ZNF704: variants seen among roughly 807,000 people sequenced by gnomAD.
ZNF704 encodes the protein glucocorticoid induced gene 1.
A neutral mutation model predicts 44.7 loss-of-function variants in ZNF704; 10 were observed. That is an observed-to-expected ratio of 0.22 (90% confidence interval 0.14 to 0.38). The LOEUF (loss-of-function observed/expected upper bound fraction) is 0.38. Ranked by LOEUF, ZNF704 falls within the 10% of genes least tolerant of loss-of-function variation. The pLI is 1.00. For missense variants in ZNF704, 390 were observed against 545.5 expected (o/e 0.71, Z 2.84); for synonymous variants, 211 against 207.6 (o/e 1.02, Z -0.14).
intron 2 of ZNF704, among the ~76,000 whole-genome samples, chr8:80,747,262 T>C (rs1806862427): frequency 6.6e-6 from 1 of 152,080 alleles, no homozygotes; most frequent in African/African-American, 2.4e-5. Context: ...GCCTTCCAAA[T>C]AACCACGAAT....
At chr8:80,867,289 AAAGAC>A (rs1809171440) in intron 1 of ZNF704, among the ~76,000 whole-genome samples, 1 of 152,216 alleles carries the variant, frequency 6.6e-6, no homozygotes, top group Admixed American at 6.5e-5. Context: ...GTACTTTACA[AAAGAC>A]AAGTATTCCA....
rs527717681 is a variant in ZNF704, at chr8:80,643,079, C to T, written c.1083G>A (p.Ala361=). The T allele has an allele frequency of 9.0e-5, 145 of 1,604,750 alleles. 1 individual carries two copies. Among genetic ancestry groups the T allele is most frequent in the South Asian group, 6.8e-4 (61 of 89,084 alleles). The stretch of plus-strand genomic sequence containing the variant: ...TGGGTGGGGAGGACAGGACCGTGTG[C>T]GCATGCTGTCTCTGCTCTCCTGTGC... ...PVGTGEQRQH[A]HTVLSSPPRG... The change falls in exon 8 of 9, where the codon GCG becomes GCA. Residue 361 remains alanine, a synonymous_variant. Transcript: ENST00000327835.
At chr8:80,663,094 T>C (rs1471312324) in intron 6 of ZNF704, among the ~76,000 whole-genome samples, 1 of 152,132 alleles carries the variant, frequency 6.6e-6, no homozygotes, top group Non-Finnish European at 1.5e-5. Context: ...TTAAAAGAAT[T>C]AATGGCCAGG....
chr8:80,827,750 C>T (rs573758360), intron 1 of ZNF704, among the ~76,000 whole-genome samples: 22 of 152,196 alleles, frequency 1.4e-4, no homozygotes, highest in African/African-American at 4.3e-4. Flanking sequence ...CAGAACAGAG[C>T]CCTCAGAAAT....
At chr8:80,850,783 G>A (rs527818682) in intron 1 of ZNF704, among the ~76,000 whole-genome samples, 1 of 152,152 alleles carries the variant, frequency 6.6e-6, no homozygotes, top group East Asian at 1.9e-4. Flanking sequence ...AGGCTATACT[G>A]CAAATACATG....
intron 1 of ZNF704, among the ~76,000 whole-genome samples, chr8:80,842,300 G>A (rs2129968784): frequency 6.6e-6 from 1 of 152,274 alleles, no homozygotes; most frequent in Admixed American, 6.5e-5. Flanking sequence ...GGGAGGACAG[G>A]TTAGCTAAAA....
chr8:80,736,428 C>T (rs554202516), intron 2 of ZNF704, among the ~76,000 whole-genome samples: 6 of 152,226 alleles, frequency 3.9e-5, no homozygotes, highest in South Asian at 2.1e-4. Context: ...TACAGGCACG[C>T]GCCACCACGC....
chr8:80,803,762 CAT>C (rs1179681961), intron 2 of ZNF704, among the ~76,000 whole-genome samples: 5 of 152,094 alleles, frequency 3.3e-5, no homozygotes, highest in African/African-American at 1.2e-4. Flanking sequence ...ACATTCAGGA[CAT>C]AGGCACAGGC....
chr8:80,870,412 C>T (rs889341386), intron 1 of ZNF704, among the ~76,000 whole-genome samples: 1 of 152,194 alleles, frequency 6.6e-6, no homozygotes, highest in African/African-American at 2.4e-5. Context: ...CACCTCTCAT[C>T]GGCTGCTCAG....
intron 2 of ZNF704, among the ~76,000 whole-genome samples, chr8:80,749,317 T>C (rs1460253963): frequency 6.6e-6 from 1 of 152,152 alleles, no homozygotes; most frequent in African/African-American, 2.4e-5. Flanking sequence ...GCCCCACTTT[T>C]TGTCTTTTAT....
chr8:80,790,087 TG>T (rs1807678966), intron 2 of ZNF704, among the ~76,000 whole-genome samples: 1 of 152,198 alleles, frequency 6.6e-6, no homozygotes, highest in Admixed American at 6.5e-5. Flanking sequence ...TCCAGTGTGC[TG>T]TGTCAGCTAG....
intron 1 of ZNF704, among the ~76,000 whole-genome samples, chr8:80,872,679 T>G (rs538389491): frequency 5.3e-5 from 8 of 152,316 alleles, no homozygotes; most frequent in Middle Eastern, 3.4e-3. Context: ...TCCAATAGCA[T>G]GCCTGAAAGC....
intron 2 of ZNF704, among the ~76,000 whole-genome samples, chr8:80,773,475 GTT>G (rs1033673436): frequency 3.3e-5 from 5 of 152,098 alleles, no homozygotes; most frequent in African/African-American, 1.2e-4. Context: ...CATTACTACA[GTT>G]TTTGTTTCAA....
intron 2 of ZNF704, among the ~76,000 whole-genome samples, chr8:80,778,371 T>C (rs757335414): frequency 5.9e-5 from 9 of 152,122 alleles, no homozygotes; most frequent in Non-Finnish European, 1.0e-4. Context: ...GCTGGTTGGG[T>C]TGCAGAGAAA....
At chr8:80,807,304 G>C (rs1417738326) in intron 2 of ZNF704, among the ~76,000 whole-genome samples, 1 of 152,122 alleles carries the variant, frequency 6.6e-6, no homozygotes, top group Non-Finnish European at 1.5e-5. Flanking sequence ...GGCGGGTCCA[G>C]GGGCTGCTGC....
At chr8:80,777,783 G>A (rs1326558515) in intron 2 of ZNF704, among the ~76,000 whole-genome samples, 2 of 151,436 alleles carry the variant, frequency 1.3e-5, no homozygotes, top group East Asian at 1.9e-4. Flanking sequence ...GGAGGCTGAG[G>A]CAGGAGAATT....
At chr8:80,743,191 C>CAAAAAAAA (rs59886049) in intron 2 of ZNF704, among the ~76,000 whole-genome samples, 15 of 35,812 alleles carry the variant, frequency 4.2e-4, no homozygotes, top group African/African-American at 1.4e-3. Context: ...CTTGCAACTG[C>CAAAAAAAA]AAAAAAAAAA....
At chr8:80,797,859 T>C (rs1807833160) in intron 2 of ZNF704, among the ~76,000 whole-genome samples, 1 of 152,194 alleles carries the variant, frequency 6.6e-6, no homozygotes, top group African/African-American at 2.4e-5. Flanking sequence ...TTTTCACTCT[T>C]TACATGGCCA....
intron 2 of ZNF704, among the ~76,000 whole-genome samples, chr8:80,700,475 T>C (rs961054882): frequency 5.9e-5 from 9 of 152,252 alleles, no homozygotes; most frequent in Non-Finnish European, 1.5e-5. Flanking sequence ...AAATAAGATG[T>C]GTAAAATATC....
Sources: gnomAD v4.1 joint callset for allele counts (sites outside exome capture counted in the v4.1 genomes callset) on GRCh38, gnomAD v4.1.1 for gene constraint, MANE v1.5 for transcripts, NCBI Gene and HGNC (gene_info 2026-07-23, HGNC 2026-07-21) for gene names.